The following ZNF566 variants were observed in gnomAD, a reference collection of about 807,000 sequenced individuals.
The protein encoded by ZNF566 is zinc finger protein 566.
In ZNF566, 27 loss-of-function variants were observed where a neutral mutation model predicts 32.8. The observed-to-expected ratio is 0.82, with a 90% CI of 0.61 to 1.14. The LOEUF (loss-of-function observed/expected upper bound fraction) is 1.14. Ranked by LOEUF, ZNF566 falls within the 50% of genes most tolerant of loss-of-function variation. The probability of loss-of-function intolerance (pLI) is 0.00; values close to 1 mark genes in which losing one functional copy is unlikely to be tolerated. For missense variants in ZNF566, 402 were observed against 490.4 expected (o/e 0.82, Z 1.70); for synonymous variants, 154 against 159.5 (o/e 0.97, Z 0.26).
At chr19:36,476,390 C>T in intron 2 of ZNF566, 159 bp downstream of exon 2, 1 of 520,728 alleles carries the variant, frequency 1.9e-6, no homozygotes. Context: ...TGTTAGAGAT[C>T]CTTTCCTTTA....
chr19:36,486,357 A>T (rs186961805), intron 1 of ZNF566, among the ~76,000 whole-genome samples: 13 of 152,298 alleles, frequency 8.5e-5, no homozygotes, highest in African/African-American at 3.1e-4. Flanking sequence ...CAAATTCCTT[A>T]TACTATGTTC....
At position 36,449,567 on chromosome 19, in the gene ZNF566, C is replaced by T; in HGVS notation, c.667G>A (p.Gly223Ser). The stretch of plus-strand genomic sequence containing the variant: ...TCCTTACATTCAAAGGGTTTCTTGC[C>T]AGTATGAATTTTCTGATGATGAGTG... ...RLTHHQKIHT[G>S]KKPFECKECG... The change falls in exon 5 of 5, where the codon GGC becomes AGC. Residue 223 changes from glycine to serine, a missense_variant. Around this residue, in one of 3 missense-constraint regions of ZNF566, gnomAD observed 135 missense variants for 210.0 expected, o/e 0.64. Coordinates refer to ENST00000452939, the MANE Select transcript of ZNF566 (RefSeq NM_001145344.1). 6.2e-7 allele frequency: 1 copy of T among 1,614,080 alleles called. No individual in the cohort carries two copies. Among genetic ancestry groups the T allele is most frequent in the Non-Finnish European group, 8.5e-7 (1 of 1,180,024 alleles).
At chr19:36,453,496 TA>T (rs1568510881) in intron 4 of ZNF566, among the ~76,000 whole-genome samples, 41 of 123,228 alleles carry the variant, frequency 3.3e-4, no homozygotes, top group African/African-American at 1.2e-3. Context: ...AATAAATAAA[TA>T]AATAAATAAA....
At chr19:36,453,428 G>A (rs7258723) in intron 4 of ZNF566, among the ~76,000 whole-genome samples, 2,126 of 148,964 alleles carry the variant, frequency 0.014, 52 homozygotes, top group African/African-American at 0.049. Flanking sequence ...AGCCGAGATC[G>A]CGCCACTGCA....
chr19:36,472,647 A>G (rs2033793118), intron 4 of ZNF566, among the ~76,000 whole-genome samples: 1 of 152,220 alleles, frequency 6.6e-6, no homozygotes, highest in Non-Finnish European at 1.5e-5. Flanking sequence ...AATGGATCCA[A>G]AATATGGATA....
Position 36,448,870 on chromosome 19 carries a change from A to T in ZNF566, c.*107T>A, listed in dbSNP as rs1206738244. 2 of 966,106 alleles carry T rather than the reference A, an allele frequency of 2.1e-6. No individual in the cohort carries two copies. The highest frequency in any genetic ancestry group is 3.3e-5 in the African/African-American group (2 of 60,186). The allele number at this position is 966,106 out of a possible 1,614,324, so 59.8% of individuals were successfully genotyped here. On this transcript the variant is annotated 3_prime_UTR_variant, in exon 5 of 5. Transcript: ENST00000452939. ...CAGGCTGAATAAGCTGTAGTCCACA[A>T]ATAAAATGTTTCTACATTATTCTAT...
In ZNF566 at chr19:36,476,733, A is replaced by G; in HGVS notation, c.-59-117T>C. 4.0e-6 allele frequency: 3 copies of G among 741,796 alleles called. No individual in the cohort carries two copies. In the East Asian group the frequency reaches 8.4e-5, roughly 21 times the overall value. The allele number at this position is 741,796 out of a possible 1,614,324, so 46.0% of individuals were successfully genotyped here. ...ATGCTTGTGGGGTATCAGTGAGGAG[A>G]ATGGGCAAATGTCTCTATCATCCCT... On this transcript the variant is annotated intron_variant, in intron 1 of 4. Transcript: ENST00000452939.
At chr19:36,480,838 G>A (rs1370911721) in intron 1 of ZNF566, among the ~76,000 whole-genome samples, 3 of 151,184 alleles carry the variant, frequency 2.0e-5, no homozygotes, top group Admixed American at 6.6e-5. Context: ...TCAGGAGTTC[G>A]AGACCAGCCT....
At chr19:36,477,526 G>GGT (rs2033919341) in intron 1 of ZNF566, among the ~76,000 whole-genome samples, 10 of 106,998 alleles carry the variant, frequency 9.3e-5, no homozygotes, top group Non-Finnish European at 1.8e-4. Flanking sequence ...TTCTGTTTCT[G>GGT]TTTTTTTTTT....
chr19:36,461,104 G>A lies in ZNF566; in HGVS notation c.233-11103C>T, dbSNP rs549264094. On this transcript the variant is annotated intron_variant, in intron 4 of 4. Transcript: ENST00000452939. ...AAAAGAGCTTGTACCCCTTCTCAAAGGGGTTAAGTGCTTGTTAAATCCAGG... is the reference window on the plus strand; with the variant it reads ...AAAAGAGCTTGTACCCCTTCTCAAAAGGGTTAAGTGCTTGTTAAATCCAGG... Among the ~76,000 whole-genome samples, 13 of 152,268 alleles carry A rather than the reference G, an allele frequency of 8.5e-5. No homozygotes were observed. In the East Asian group the frequency reaches 1.7e-3, roughly 20 times the overall value.
intron 1 of ZNF566, among the ~76,000 whole-genome samples, chr19:36,488,098 C>T (rs897447060): frequency 3.9e-5 from 6 of 151,964 alleles, no homozygotes; most frequent in African/African-American, 1.5e-4. Flanking sequence ...CTCTATGTAT[C>T]TATTGACAGC....
intron 1 of ZNF566, among the ~76,000 whole-genome samples, chr19:36,487,037 C>G (rs189646652): frequency 6.8e-6 from 1 of 146,458 alleles, no homozygotes; most frequent in Non-Finnish European, 1.5e-5. Context: ...TTGCAGTGAG[C>G]CGAGATTGCG....
chr19:36,489,496 A>C lies in ZNF566; in HGVS notation c.-70T>G. 1 of 337,284 alleles carries C rather than the reference A, an allele frequency of 3.0e-6. No individual in the cohort carries two copies. Among genetic ancestry groups the C allele is most frequent in the Non-Finnish European group, 5.8e-6 (1 of 171,922 alleles). 20.9% of individuals were successfully genotyped at this position (337,284 alleles called of 1,614,324 possible). ...CACCTCAGGCCTTACCAGCTTTCGA[A>C]GCAGCAGAACCCTCCCCGGCACTGG... On this transcript the variant is annotated 5_prime_UTR_variant, in exon 1 of 5. Transcript: ENST00000452939.
At position 36,447,879 on chromosome 19, in the gene ZNF566, T is replaced by G. The variant is rs1270625186; in HGVS notation, c.*1098A>C. 6.6e-6 allele frequency: 1 copy of G among 152,158 alleles called. No individual in the cohort carries two copies. The highest frequency in any genetic ancestry group is 1.5e-5 in the Non-Finnish European group (1 of 68,008). 9.4% of individuals were successfully genotyped at this position (152,158 alleles called of 1,614,324 possible). A position where few individuals can be genotyped will look rare whatever the true frequency, so the allele number is the denominator to read the frequency against. The stretch of plus-strand genomic sequence containing the variant: ...ACACCCTGCCTAATGGTGACTAAGT[T>G]CTGCAGAAGTTAAAAAGCCTTTCTA... On this transcript the variant is annotated 3_prime_UTR_variant, in exon 5 of 5. Coordinates refer to ENST00000452939, the MANE Select transcript of ZNF566 (RefSeq NM_001145344.1).
intron 3 of ZNF566, 89 bp downstream of exon 3, chr19:36,473,243 G>T: frequency 6.7e-7 from 1 of 1,499,290 alleles, no homozygotes; most frequent in Non-Finnish European, 9.2e-7. Flanking sequence ...AAATTCGACT[G>T]GTTTTTGAAA....
At chr19:36,488,993 C>T (rs1418913443) in intron 1 of ZNF566, among the ~76,000 whole-genome samples, 2 of 152,292 alleles carry the variant, frequency 1.3e-5, no homozygotes, top group South Asian at 4.1e-4. Flanking sequence ...CAAGTGCACG[C>T]TTACCGAGGA....
intron 1 of ZNF566, among the ~76,000 whole-genome samples, chr19:36,482,570 T>C (rs2034063561): frequency 6.6e-6 from 1 of 151,180 alleles, no homozygotes; most frequent in African/African-American, 2.4e-5. Flanking sequence ...CTTTGGAAGA[T>C]GTTTGTTTAC....
chr19:36,471,577 T>C (rs981755069), intron 4 of ZNF566, among the ~76,000 whole-genome samples: 2 of 152,168 alleles, frequency 1.3e-5, no homozygotes, highest in Non-Finnish European at 2.9e-5. Context: ...TTTAGTAAGA[T>C]ATGGTAAATT....
chr19:36,488,402 A>C (rs1056002978), intron 1 of ZNF566, among the ~76,000 whole-genome samples: 1 of 152,108 alleles, frequency 6.6e-6, no homozygotes, highest in Non-Finnish European at 1.5e-5. Flanking sequence ...GCCTACAAAA[A>C]TTTTTTTAAC....
Sources: allele counts gnomAD v4.1 joint callset (sites outside exome capture counted in the v4.1 genomes callset), GRCh38; gene constraint gnomAD v4.1.1; regional missense constraint gnomAD v4.1.1; transcripts MANE v1.5; gene names NCBI Gene and HGNC (gene_info 2026-07-23, HGNC 2026-07-21).